The following FAM210A variants were observed in gnomAD, a reference collection of about 807,000 sequenced individuals.
The protein encoded by FAM210A is mitochondrial inner membrane scaffold 1.
Under a neutral mutation model 25.3 loss-of-function variants are expected in FAM210A, and 13 were observed. That is an observed-to-expected ratio of 0.51 (90% CI 0.33 to 0.82). The LOEUF (loss-of-function observed/expected upper bound fraction) is 0.82, where lower values mean the gene tolerates loss of function less well. Ranked by LOEUF, FAM210A falls within the 40% of genes least tolerant of loss-of-function variation. The pLI, the probability that FAM210A is intolerant of heterozygous loss-of-function variation, is 0.02. For synonymous variants in FAM210A, 125 were observed against 118.7 expected (o/e 1.05, Z -0.35); for missense variants, 319 against 323.2 (o/e 0.99, Z 0.10).
At position 13,664,974 on chromosome 18, in the gene FAM210A, G is replaced by A. The variant is rs2043387939; in HGVS notation, c.*1506C>T. On this transcript the variant is annotated 3_prime_UTR_variant, in exon 4 of 4. Transcript: ENST00000651643. ...AGTCACTGTTAGAGCACAGGAAATA[G>A]ACACTTACATACTCAAACACACCCC... 2.6e-5 allele frequency: 4 copies of A among 152,678 alleles called. No homozygotes were observed. The highest frequency in any genetic ancestry group is 2.6e-4 in the Admixed American group (4 of 15,272). 9.5% of individuals were successfully genotyped at this position (152,678 alleles called of 1,614,324 possible).
chr18:13,698,225 T>C (rs1601958336), intron 1 of FAM210A, among the ~76,000 whole-genome samples: 1 of 151,228 alleles, frequency 6.6e-6, no homozygotes, highest in South Asian at 2.1e-4. Flanking sequence ...TGGTGGCGGG[T>C]GCTGCAATCC....
intron 1 of FAM210A, among the ~76,000 whole-genome samples, chr18:13,715,929 T>C (rs533663047): frequency 6.6e-6 from 1 of 152,288 alleles, no homozygotes; most frequent in South Asian, 2.1e-4. Context: ...CCTGAAACAA[T>C]TTAGAGCAGC....
chr18:13,692,113 T>C (rs186723492), intron 1 of FAM210A, among the ~76,000 whole-genome samples: 1,686 of 149,466 alleles, frequency 0.011, 33 homozygotes, highest in African/African-American at 0.039. Context: ...TCCTAGTCTC[T>C]GATTGACTTT....
intron 3 of FAM210A, among the ~76,000 whole-genome samples, chr18:13,668,525 A>G (rs761464009): frequency 2.6e-5 from 4 of 152,224 alleles, no homozygotes; most frequent in Non-Finnish European, 4.4e-5. Context: ...TCCAGTATAT[A>G]CAACCACCTC....
intron 1 of FAM210A, among the ~76,000 whole-genome samples, chr18:13,704,173 C>T (rs781251332): frequency 2.6e-5 from 4 of 151,914 alleles, no homozygotes; most frequent in South Asian, 2.1e-4. Context: ...ACATGCAAGG[C>T]GTGTGAGGAA....
chr18:13,671,836 A>C, intron 3 of FAM210A, 26 bp downstream of exon 3: 3 of 1,453,344 alleles, frequency 2.1e-6, no homozygotes, highest in Non-Finnish European at 1.9e-6. Context: ...AGTTCTGAGG[A>C]GCAATGGGTT....
intron 1 of FAM210A, among the ~76,000 whole-genome samples, chr18:13,722,042 A>G (rs1230944763): frequency 6.6e-6 from 1 of 152,082 alleles, no homozygotes; most frequent in Non-Finnish European, 1.5e-5. Context: ...CAAATCTGGG[A>G]ACTGATTGAG....
chr18:13,723,322 ATCAG>A (rs1272193482), intron 1 of FAM210A, among the ~76,000 whole-genome samples: 2 of 152,208 alleles, frequency 1.3e-5, no homozygotes, highest in Non-Finnish European at 2.9e-5. Context: ...CCAAATTTGA[ATCAG>A]TCAGGGCTCT....
chr18:13,690,032 C>T (rs942379783), intron 1 of FAM210A, among the ~76,000 whole-genome samples: 3 of 152,196 alleles, frequency 2.0e-5, no homozygotes, highest in Non-Finnish European at 4.4e-5. Context: ...ACAGACGGTA[C>T]GTGGAAAATC....
At chr18:13,677,576 C>T (rs1320200262) in intron 2 of FAM210A, among the ~76,000 whole-genome samples, 2 of 152,168 alleles carry the variant, frequency 1.3e-5, no homozygotes, top group East Asian at 3.8e-4. Context: ...AGATTAGGTT[C>T]GATCTTTAAC....
intron 1 of FAM210A, among the ~76,000 whole-genome samples, chr18:13,707,182 A>G (rs2043784925): frequency 1.3e-5 from 2 of 152,226 alleles, no homozygotes; most frequent in Admixed American, 1.3e-4. Context: ...AATAATGGTA[A>G]CTGAGAGTGG....
At chr18:13,704,166 T>C (rs2043760943) in intron 1 of FAM210A, among the ~76,000 whole-genome samples, 1 of 152,226 alleles carries the variant, frequency 6.6e-6, no homozygotes, top group Non-Finnish European at 1.5e-5. Context: ...TAGTTTTACA[T>C]GCAAGGCGTG....
rs2043683245 is a variant in FAM210A at position 13,695,346 on chromosome 18, C to T, written c.-28-13241G>A. ...CTAGGACTATAAATACCATTTGACC[C>T]AGCCATCCCATTACTGGGCATATAC... On this transcript the variant is annotated intron_variant, in intron 1 of 3. Transcript: ENST00000651643. Among the ~76,000 whole-genome samples, 3 of 152,304 alleles carry T rather than the reference C, an allele frequency of 2.0e-5. No individual in the cohort carries two copies. The South Asian group carries it at 6.2e-4, about 32-fold the overall frequency.
At chr18:13,686,195 G>A (rs546293895) in intron 1 of FAM210A, among the ~76,000 whole-genome samples, 14 of 152,284 alleles carry the variant, frequency 9.2e-5, no homozygotes, top group Non-Finnish European at 1.8e-4. Flanking sequence ...CTATGCCTGT[G>A]AGAAAAGATC....
At chr18:13,704,713 T>C (rs893449949) in intron 1 of FAM210A, among the ~76,000 whole-genome samples, 3 of 152,208 alleles carry the variant, frequency 2.0e-5, no homozygotes, top group African/African-American at 7.2e-5. Context: ...TGTTTAACTC[T>C]TTCAAGTTAT....
intron 1 of FAM210A, among the ~76,000 whole-genome samples, chr18:13,717,363 G>A (rs182766167): frequency 1.0e-3 from 159 of 152,118 alleles, no homozygotes; most frequent in Admixed American, 3.6e-3. Flanking sequence ...GGCTAGTCTC[G>A]AACTCCTGGG....
In FAM210A at chr18:13,671,866, A is replaced by T. The variant is rs781651663; in HGVS notation, c.581T>A (p.Phe194Tyr). The T allele has an allele frequency of 7.1e-5, 114 of 1,609,588 alleles. No individual in the cohort carries two copies. The highest frequency in any genetic ancestry group is 8.2e-5 in the Non-Finnish European group (97 of 1,175,988). Residue 194 changes from phenylalanine (F) to tyrosine (Y), a missense_variant, in exon 3 of 4, where the codon TTT (phenylalanine) becomes TAT (tyrosine). By Grantham distance (22) the Phe-to-Tyr change is conservative. Coordinates refer to ENST00000651643, the MANE Select transcript of FAM210A (RefSeq NM_152352.4). ...TGGGTTTGTTACAGTACCCACCTTA[A>T]ACAAGGCATATGCTGTGAGGGCATT... ...SGNALTAYAL[F>Y]KIATPARYTV... is the part of the protein sequence containing the mutation.
At chr18:13,673,832 G>T (rs28451810) in intron 2 of FAM210A, among the ~76,000 whole-genome samples, 14 of 87,696 alleles carry the variant, frequency 1.6e-4, no homozygotes, top group African/African-American at 3.6e-4. Context: ...CTTTATTTCC[G>T]GTTTCCTGAT....
At chr18:13,681,574 G>C (rs767131107) in intron 2 of FAM210A, 31 bp downstream of exon 2, 9 of 1,500,946 alleles carry the variant, frequency 6.0e-6, no homozygotes, top group Non-Finnish European at 8.1e-6. Context: ...TGGTAAGACA[G>C]GGAAAGACAT....
Sources: gnomAD v4.1 joint callset for allele counts (sites outside exome capture counted in the v4.1 genomes callset) on GRCh38, gnomAD v4.1.1 for gene constraint, MANE v1.5 for transcripts, NCBI Gene and HGNC (gene_info 2026-07-23, HGNC 2026-07-21) for gene names.